Variants in SHROOM4 observed in about 807,000 individuals in gnomAD.
SHROOM4 encodes protein Shroom4.
SHROOM4 carries 17 observed loss-of-function variants against 80.3 expected under a neutral mutation model. The observed-to-expected ratio is 0.21, with a 90% confidence interval of 0.14 to 0.32. The LOEUF (loss-of-function observed/expected upper bound fraction) is 0.32, where lower values mean the gene tolerates loss of function less well. Among genes scored for constraint, SHROOM4 ranks in the 10% least tolerant of loss-of-function variants. SHROOM4 has a pLI of 1.00. For missense variants in SHROOM4, 993 were observed against 1,140.3 expected (o/e 0.87, Z 1.86); for synonymous variants, 400 against 437.5 (o/e 0.91, Z 1.07).
intron 1 of SHROOM4, among the ~76,000 whole-genome samples, chrX:50,713,370 C>T (rs782597651): frequency 9.0e-6 from 1 of 111,705 alleles, no homozygotes; most frequent in Non-Finnish European, 1.9e-5. Context: ...GTAGCTCATG[C>T]CTGTAATCAC....
intron 5 of SHROOM4, among the ~76,000 whole-genome samples, chrX:50,618,281 T>TC (rs1301150506): frequency 0.37 from 151 of 405 alleles, 2 homozygotes; most frequent in East Asian, 0.83. Context: ...TCTCTTCCCC[T>TC]TCCTTCCTTC....
chrX:50,655,728 G>A (rs1451805265), intron 2 of SHROOM4, among the ~76,000 whole-genome samples: 1 of 109,053 alleles, frequency 9.2e-6, no homozygotes, highest in Non-Finnish European at 1.9e-5. Flanking sequence ...AATAAACATG[G>A]GAGTGCAAAC....
intron 1 of SHROOM4, among the ~76,000 whole-genome samples, chrX:50,750,555 C>T (rs781979930): frequency 5.3e-5 from 6 of 112,197 alleles, no homozygotes; most frequent in Admixed American, 2.8e-4. Context: ...AGCCACTGTG[C>T]CTGGTCCCTT....
chrX:50,788,412 G>A (rs1484551931), intron 1 of SHROOM4, among the ~76,000 whole-genome samples: 1 of 110,824 alleles, frequency 9.0e-6, no homozygotes, highest in Non-Finnish European at 1.9e-5. Context: ...TTATAAGACA[G>A]ACGAGACCAC....
intron 2 of SHROOM4, among the ~76,000 whole-genome samples, chrX:50,663,328 C>A (rs2147373718): frequency 8.9e-6 from 1 of 112,091 alleles, no homozygotes; most frequent in East Asian, 2.8e-4. Flanking sequence ...GTGTACTCCT[C>A]CTCTTCTTCA....
Position 50,634,147 on chromosome X carries a change from T to C in SHROOM4, c.1926A>G (p.Ser642=). The C allele has an allele frequency of 1.7e-6, 2 of 1,211,494 alleles. No homozygotes were observed. The highest frequency in any genetic ancestry group is 2.2e-6 in the Non-Finnish European group (2 of 895,481). Residue 642 remains serine (S), a synonymous_variant, in exon 4 of 9, where the codon TCA becomes TCG. Transcript: ENST00000376020. ...LTASNTSLLS[S]CKKPPSPRDK... ...CTCTGGGGCTGGGAGGTTTTTTACA[T>C]GAAGATAGAAGAGATGTGTTAGAGG... is the stretch of plus-strand genomic sequence containing the variant.
intron 1 of SHROOM4, among the ~76,000 whole-genome samples, chrX:50,801,368 T>C (rs987446619): frequency 2.7e-5 from 3 of 110,239 alleles, no homozygotes; most frequent in African/African-American, 9.9e-5. Context: ...CTGTCACTTA[T>C]AGACTTAGAC....
chrX:50,649,822 A>T (rs1485125123), intron 2 of SHROOM4: 1 of 112,578 alleles, frequency 8.9e-6, no homozygotes, highest in Non-Finnish European at 1.9e-5. Flanking sequence ...AGTGAATTTT[A>T]TGGTATGTGA....
chrX:50,702,061 G>A (rs1168935548), intron 1 of SHROOM4, among the ~76,000 whole-genome samples: 3 of 111,917 alleles, frequency 2.7e-5, no homozygotes, highest in Non-Finnish European at 5.6e-5. Context: ...ATTAACAATT[G>A]GCAAGGCTTG....
chrX:50,729,884 A>G (rs1934329770), intron 1 of SHROOM4, among the ~76,000 whole-genome samples: 1 of 111,658 alleles, frequency 9.0e-6, no homozygotes, highest in Non-Finnish European at 1.9e-5. Context: ...CAAGTATCAT[A>G]TACTCAGTAA....
At chrX:50,575,572 G>A in the SHROOM4 span, among the ~76,000 whole-genome samples, 1 of 110,724 alleles carries the variant, frequency 9.0e-6, no homozygotes, top group Non-Finnish European at 1.9e-5. Context: ...TATTGCGCCA[G>A]GTAAGATTTC....
chrX:50,770,028 T>C (rs1174849831), intron 1 of SHROOM4, among the ~76,000 whole-genome samples: 1 of 110,303 alleles, frequency 9.1e-6, no homozygotes, highest in Non-Finnish European at 1.9e-5. Context: ...AGCTTCCATC[T>C]TTTTCCCAAT....
intron 3 of SHROOM4, among the ~76,000 whole-genome samples, chrX:50,636,989 TTATTAG>T (rs1243859119): frequency 9.0e-6 from 1 of 111,465 alleles, no homozygotes; most frequent in Non-Finnish European, 1.9e-5. Context: ...ACTCTCTTGA[TTATTAG>T]TTTTTGCCAT....
At chrX:50,754,054 A>G (rs782476707) in intron 1 of SHROOM4, among the ~76,000 whole-genome samples, 18 of 112,396 alleles carry the variant, frequency 1.6e-4, no homozygotes, top group African/African-American at 5.2e-4. Flanking sequence ...TAAAAACTCA[A>G]CAATTGACAG....
At chrX:50,710,721 C>T (rs1385175731) in intron 1 of SHROOM4, among the ~76,000 whole-genome samples, 1 of 111,941 alleles carries the variant, frequency 8.9e-6, no homozygotes, top group Non-Finnish European at 1.9e-5. Context: ...AAATATCTCA[C>T]AATTCCTGGG....
At chrX:50,697,197 T>C in intron 1 of SHROOM4, among the ~76,000 whole-genome samples, 1 of 111,742 alleles carries the variant, frequency 8.9e-6, no homozygotes, top group East Asian at 2.8e-4. Context: ...AGGCTCCAAC[T>C]CACTGATATA....
chrX:50,747,811 G>A (rs1298192718), intron 1 of SHROOM4, among the ~76,000 whole-genome samples: 1 of 112,108 alleles, frequency 8.9e-6, no homozygotes, highest in African/African-American at 3.2e-5. Flanking sequence ...AAGACTGGCA[G>A]GAGGAGAAGG....
At chrX:50,800,161 G>T (rs1557272441) in intron 1 of SHROOM4, among the ~76,000 whole-genome samples, 1 of 112,225 alleles carries the variant, frequency 8.9e-6, no homozygotes, top group Admixed American at 9.4e-5. Flanking sequence ...CTTAGGTGGG[G>T]TGTCACACAA....
chrX:50,760,122 C>G (rs1328430403), intron 1 of SHROOM4, among the ~76,000 whole-genome samples: 1 of 110,702 alleles, frequency 9.0e-6, no homozygotes, highest in Non-Finnish European at 1.9e-5. Context: ...TGTTGATCTT[C>G]TAATCATTTT....
Sources: allele counts gnomAD v4.1 joint callset (sites outside exome capture counted in the v4.1 genomes callset), GRCh38; gene constraint gnomAD v4.1.1; transcripts MANE v1.5; gene names NCBI Gene and HGNC (gene_info 2026-07-23, HGNC 2026-07-21).